The following SPRY3 variants were observed in gnomAD, a reference collection of about 807,000 sequenced individuals.
SPRY3 encodes protein sprouty homolog 3.
SPRY3 carries 15 observed loss-of-function variants against 20.2 expected under a neutral mutation model. That is an observed-to-expected ratio of 0.74 (90% confidence interval 0.50 to 1.14). SPRY3 has a LOEUF of 1.14. Ranked by LOEUF, SPRY3 falls within the 50% of genes most tolerant of loss-of-function variation. SPRY3 has a pLI of 0.00. For synonymous variants in SPRY3, 143 were observed against 136.5 expected, an observed-to-expected ratio of 1.05 and a Z score of -0.33; for missense variants, 364 against 363.9, an observed-to-expected ratio of 1.00 and a Z score of 0.00.
chrX:155,729,257 C>T (rs766641170), intron 2 of SPRY3, among the ~76,000 whole-genome samples: 2 of 152,234 alleles, frequency 1.3e-5, no homozygotes, highest in Admixed American at 1.3e-4. Flanking sequence ...CTACAGAATA[C>T]ACATTCTTTT....
chrX:155,713,175 G>T (rs1446824370), intron 2 of SPRY3, among the ~76,000 whole-genome samples: 2 of 151,882 alleles, frequency 1.3e-5, no homozygotes, highest in East Asian at 3.9e-4. Context: ...CATGTGCCAT[G>T]GTGGTTTGCT....
At chrX:155,756,430 A>G (rs1236407404) in intron 2 of SPRY3, among the ~76,000 whole-genome samples, 1 of 152,182 alleles carries the variant, frequency 6.6e-6, no homozygotes, top group East Asian at 1.9e-4. Context: ...CATCCATGGT[A>G]CACATCTGGC....
At chrX:155,648,091 A>C (rs1490462049) in intron 1 of SPRY3, among the ~76,000 whole-genome samples, 4 of 112,440 alleles carry the variant, frequency 3.6e-5, no homozygotes, top group Non-Finnish European at 7.5e-5. Context: ...TGTTAGCCTC[A>C]TAAATGTCTT....
chrX:155,641,720 G>A (rs1179223012), intron 1 of SPRY3, among the ~76,000 whole-genome samples: 2 of 115,093 alleles, frequency 1.7e-5, no homozygotes, highest in Admixed American at 9.1e-5. Context: ...ACCTTGCAGC[G>A]GCATGGCAAA....
intron 2 of SPRY3, among the ~76,000 whole-genome samples, chrX:155,731,676 A>C (rs1334493777): frequency 6.6e-6 from 1 of 152,046 alleles, no homozygotes; most frequent in Admixed American, 6.6e-5. Flanking sequence ...TCAAGTTAAC[A>C]AGCTTCTGCA....
chrX:155,771,272 G>GACCTAGA (rs2091379568), intron 3 of SPRY3, among the ~76,000 whole-genome samples: 1 of 152,072 alleles, frequency 6.6e-6, no homozygotes, highest in African/African-American at 2.4e-5. Context: ...TCTCATTATT[G>GACCTAGA]TTTCTGAGTC....
intron 3 of SPRY3, among the ~76,000 whole-genome samples, chrX:155,772,465 G>A (rs1260216830): frequency 6.6e-6 from 1 of 152,102 alleles, no homozygotes; most frequent in Non-Finnish European, 1.5e-5. Flanking sequence ...ACAGTAGTGT[G>A]AGTAATTGAT....
exon 4 of SPRY3, chrX:155,774,404 C>T: frequency 6.2e-7 from 1 of 1,614,034 alleles, no homozygotes; most frequent in Non-Finnish European, 8.5e-7. Flanking sequence ...CTTTGCTCTG[C>T]TGAGAGCCTC....
At chrX:155,765,116 C>T (rs1427782333) in intron 2 of SPRY3, among the ~76,000 whole-genome samples, 1 of 152,126 alleles carries the variant, frequency 6.6e-6, no homozygotes, top group Non-Finnish European at 1.5e-5. Context: ...GCCCCACCTC[C>T]TAATATTATC....
At chrX:155,705,176 A>T (rs2090941699) in intron 2 of SPRY3, among the ~76,000 whole-genome samples, 1 of 151,556 alleles carries the variant, frequency 6.6e-6, no homozygotes, top group Non-Finnish European at 1.5e-5. Context: ...ATAATAATTT[A>T]TTGTATATTT....
chrX:155,673,011 A>G (rs1276577765), intron 2 of SPRY3, among the ~76,000 whole-genome samples: 12 of 87,843 alleles, frequency 1.4e-4, no homozygotes, highest in Non-Finnish European at 1.6e-4. Context: ...TGGGAATTGA[A>G]CAATGAGAAC....
intron 1 of SPRY3, among the ~76,000 whole-genome samples, chrX:155,636,932 G>A (rs2124533342): frequency 9.7e-6 from 1 of 103,586 alleles, no homozygotes; most frequent in Non-Finnish European, 1.9e-5. Flanking sequence ...ACTATCGCAA[G>A]AACAAAAAAC....
chrX:155,628,515 A>G (rs782306771), intron 1 of SPRY3, among the ~76,000 whole-genome samples: 35 of 112,546 alleles, frequency 3.1e-4, no homozygotes, highest in Admixed American at 1.0e-3. Flanking sequence ...GTCAAAGGAC[A>G]TGAACAGACA....
At chrX:155,774,803 A>T in exon 4 of SPRY3, 1 of 1,519,196 alleles carries the variant, frequency 6.6e-7, no homozygotes, top group Non-Finnish European at 8.9e-7. Flanking sequence ...CATAGGCCTC[A>T]TCTTTGGAGA....
chrX:155,616,094 T>A (rs1311207932), intron 1 of SPRY3, among the ~76,000 whole-genome samples: 15 of 38,031 alleles, frequency 3.9e-4, no homozygotes, highest in Non-Finnish European at 7.8e-4. Flanking sequence ...TGCACATTTA[T>A]CTGGGGTCTC....
intron 2 of SPRY3, among the ~76,000 whole-genome samples, chrX:155,708,680 A>G (rs1189244578): frequency 6.6e-6 from 1 of 151,516 alleles, no homozygotes; most frequent in Non-Finnish European, 1.5e-5. Flanking sequence ...TAGCTAATGC[A>G]TAATAATCAC....
intron 2 of SPRY3, among the ~76,000 whole-genome samples, chrX:155,744,077 G>T (rs920711853): frequency 6.6e-6 from 1 of 152,076 alleles, no homozygotes; most frequent in Non-Finnish European, 1.5e-5. Context: ...GGAGAAAGAA[G>T]ATGGAAGACA....
At chrX:155,743,454 T>C (rs2091212630) in intron 2 of SPRY3, among the ~76,000 whole-genome samples, 1 of 152,148 alleles carries the variant, frequency 6.6e-6, no homozygotes, top group African/African-American at 2.4e-5. Context: ...GGCATGGAGA[T>C]ACGTGGACAA....
chrX:155,759,595 G>C (rs2091296389), intron 2 of SPRY3, among the ~76,000 whole-genome samples: 1 of 151,818 alleles, frequency 6.6e-6, no homozygotes, highest in Admixed American at 6.6e-5. Context: ...ATTTATTACT[G>C]TATCACCAGA....
Sources: gnomAD v4.1 joint callset for allele counts (sites outside exome capture counted in the v4.1 genomes callset) on GRCh38, gnomAD v4.1.1 for gene constraint, MANE v1.5 for transcripts, NCBI Gene and HGNC (gene_info 2026-07-23, HGNC 2026-07-21) for gene names.